PPM1L: variants seen among roughly 807,000 people sequenced by gnomAD.
The protein encoded by PPM1L is protein phosphatase 1L.
A neutral mutation model predicts 31.4 loss-of-function variants in PPM1L; 13 were observed. That is an observed-to-expected ratio of 0.41 (90% CI 0.27 to 0.66). PPM1L has a LOEUF of 0.66. Among genes scored for constraint, PPM1L ranks in the 30% least tolerant of loss-of-function variants. The pLI is 0.29. For missense variants in PPM1L, 326 were observed against 453.7 expected (o/e 0.72, Z 2.56); for synonymous variants, 184 against 175.4 (o/e 1.05, Z -0.39).
chr3:160,981,864 G>A (rs1716812914), intron 2 of PPM1L, among the ~76,000 whole-genome samples: 1 of 151,952 alleles, frequency 6.6e-6, no homozygotes, highest in Non-Finnish European at 1.5e-5. Context: ...CCAGGTTCAA[G>A]TGATTCTCCT....
In PPM1L at chr3:161,068,920, A is replaced by T; in HGVS notation, c.846A>T (p.Pro282=). ...LKNLNVVIPD[P]DILTFDLDKL... The stretch of plus-strand genomic sequence containing the variant: ...ATCTCAACGTGGTCATCCCAGACCC[A>T]GACATCCTGACCTTTGACCTGGACA... Residue 282 remains proline, a synonymous_variant, in exon 4 of 4, where the codon CCA becomes CCT. Coordinates refer to ENST00000498165, the MANE Select transcript of PPM1L (RefSeq NM_139245.4). The T allele has an allele frequency of 6.2e-7, 1 of 1,614,206 alleles. No individual in the cohort carries two copies. The highest frequency in any genetic ancestry group is 1.1e-5 in the South Asian group (1 of 91,078).
intron 2 of PPM1L, among the ~76,000 whole-genome samples, chr3:160,972,402 A>C (rs866386438): frequency 3.9e-5 from 5 of 127,394 alleles, no homozygotes; most frequent in African/African-American, 1.5e-4. Context: ...TCCTGTGTCC[A>C]TGTGTTCTCA....
At chr3:160,873,178 G>C (rs1051812669) in intron 1 of PPM1L, among the ~76,000 whole-genome samples, 4 of 152,134 alleles carry the variant, frequency 2.6e-5, no homozygotes, top group African/African-American at 9.7e-5. Flanking sequence ...TCTCAGTAAA[G>C]CTAAGGCAAA....
intron 2 of PPM1L, among the ~76,000 whole-genome samples, chr3:161,009,770 C>T (rs1717830191): frequency 6.6e-6 from 1 of 152,072 alleles, no homozygotes; most frequent in Non-Finnish European, 1.5e-5. Context: ...AAAAGCAAAG[C>T]TCAGGACCAG....
At chr3:160,818,503 T>A (rs570519867) in intron 1 of PPM1L, among the ~76,000 whole-genome samples, 1 of 152,116 alleles carries the variant, frequency 6.6e-6, no homozygotes, top group Non-Finnish European at 1.5e-5. Flanking sequence ...GCACTTCTAG[T>A]ACATCAAAAT....
At chr3:160,867,327 C>CTTGTTCT (rs763453578) in intron 1 of PPM1L, among the ~76,000 whole-genome samples, 4 of 123,956 alleles carry the variant, frequency 3.2e-5, no homozygotes, top group Non-Finnish European at 6.7e-5. Context: ...GTTCCATGTT[C>CTTGTTCT]TTTTTTTTTT....
intron 2 of PPM1L, among the ~76,000 whole-genome samples, chr3:160,993,869 A>G (rs1464074732): frequency 2.0e-5 from 3 of 152,214 alleles, no homozygotes; most frequent in African/African-American, 7.2e-5. Context: ...CAAAGCCATT[A>G]GTTCCTTTTT....
At chr3:161,010,229 A>G (rs559866169) in intron 2 of PPM1L, among the ~76,000 whole-genome samples, 2 of 150,964 alleles carry the variant, frequency 1.3e-5, no homozygotes, top group East Asian at 3.9e-4. Context: ...TTCAATTCCC[A>G]CCTATGAGTG....
intron 1 of PPM1L, among the ~76,000 whole-genome samples, chr3:160,814,900 G>A (rs1413124207): frequency 6.6e-6 from 1 of 152,024 alleles, no homozygotes; most frequent in East Asian, 1.9e-4. Context: ...AGTAACTCAG[G>A]AATGGAGAAC....
At chr3:160,846,858 ATTAT>A (rs1300904050) in intron 1 of PPM1L, among the ~76,000 whole-genome samples, 6 of 152,018 alleles carry the variant, frequency 3.9e-5, no homozygotes, top group Non-Finnish European at 8.8e-5. Context: ...TTAATTGCTT[ATTAT>A]TTATTTATTT....
At chr3:160,853,645 A>AG (rs1711590473) in intron 1 of PPM1L, among the ~76,000 whole-genome samples, 1 of 152,154 alleles carries the variant, frequency 6.6e-6, no homozygotes, top group South Asian at 2.1e-4. Flanking sequence ...TTGAATAATA[A>AG]GGGGTACATT....
intron 2 of PPM1L, 61 bp from the exon 3 acceptor site, chr3:161,065,342 A>C (rs756770740): frequency 7.9e-5 from 120 of 1,518,074 alleles, no homozygotes; most frequent in Non-Finnish European, 1.0e-4. Flanking sequence ...TTACCACAAG[A>C]AGCAATGGAA....
At chr3:161,012,167 C>T (rs1246686653) in intron 2 of PPM1L, among the ~76,000 whole-genome samples, 2 of 152,070 alleles carry the variant, frequency 1.3e-5, no homozygotes, top group African/African-American at 4.8e-5. Flanking sequence ...TCATAGATAG[C>T]TCTTATTATT....
chr3:161,021,512 C>T (rs1445718594), intron 2 of PPM1L, among the ~76,000 whole-genome samples: 1 of 151,968 alleles, frequency 6.6e-6, no homozygotes, highest in East Asian at 1.9e-4. Flanking sequence ...GTGGAGTGTT[C>T]TATACATGTC....
rs572437287 is a variant in PPM1L, at chr3:161,074,995, C to T, written c.*5838C>T. Reference sequence around the variant, plus strand: ...CCAAATCCAAGTTAATCTCAAAAACCTCCGAGGACATTGAGCACAAGCAGA... The same window carrying T: ...CCAAATCCAAGTTAATCTCAAAAACTTCCGAGGACATTGAGCACAAGCAGA... On this transcript the variant is annotated 3_prime_UTR_variant, in exon 4 of 4. Coordinates refer to ENST00000498165, the MANE Select transcript of PPM1L (RefSeq NM_139245.4). 1 of 152,076 alleles carries T rather than the reference C, an allele frequency of 6.6e-6. No homozygotes were observed. Among genetic ancestry groups the T allele is most frequent in the East Asian group, 1.9e-4 (1 of 5,162 alleles). The allele number at this position is 152,076 out of a possible 1,614,324, so 9.4% of individuals were successfully genotyped here. A position where few individuals can be genotyped will look rare whatever the true frequency, so the allele number is the denominator to read the frequency against.
chr3:160,885,413 C>T (rs1437441121), intron 1 of PPM1L, among the ~76,000 whole-genome samples: 1 of 152,148 alleles, frequency 6.6e-6, no homozygotes, highest in Non-Finnish European at 1.5e-5. Context: ...TAAAGAAATA[C>T]ATGAGGGGGG....
intron 1 of PPM1L, among the ~76,000 whole-genome samples, chr3:160,942,122 G>C (rs566440756): frequency 6.6e-6 from 1 of 152,316 alleles, no homozygotes; most frequent in Admixed American, 6.5e-5. Flanking sequence ...ACAGATGCAT[G>C]CTTCACCAAA....
intron 2 of PPM1L, among the ~76,000 whole-genome samples, chr3:161,000,818 C>T (rs1717456936): frequency 6.6e-6 from 1 of 152,066 alleles, no homozygotes; most frequent in Non-Finnish European, 1.5e-5. Flanking sequence ...GAAGACATTC[C>T]TTAGTTGGTT....
intron 1 of PPM1L, among the ~76,000 whole-genome samples, chr3:160,786,552 ATCT>A (rs1238826145): frequency 4.0e-5 from 6 of 148,662 alleles, no homozygotes; most frequent in Admixed American, 6.7e-5. Flanking sequence ...AAAGTTGAAC[ATCT>A]TCTTATGGAA....
Sources: gnomAD v4.1 joint callset for allele counts (sites outside exome capture counted in the v4.1 genomes callset) on GRCh38, gnomAD v4.1.1 for gene constraint, MANE v1.5 for transcripts, NCBI Gene and HGNC (gene_info 2026-07-23, HGNC 2026-07-21) for gene names.